Variants in RBFOX1 observed in about 807,000 individuals in gnomAD.
The protein encoded by RBFOX1 is RNA binding fox-1 homolog 1.
A neutral mutation model predicts 57.7 loss-of-function variants in RBFOX1; 8 were observed. That is an observed-to-expected ratio of 0.14 (90% confidence interval 0.08 to 0.25). RBFOX1 has a LOEUF of 0.25. Among genes scored for constraint, RBFOX1 ranks in the 10% least tolerant of loss-of-function variants. The probability of loss-of-function intolerance (pLI) is 1.00; values close to 1 mark genes in which losing one functional copy is unlikely to be tolerated. For synonymous variants in RBFOX1, 326 were observed against 222.4 expected (o/e 1.47, Z -4.15); for missense variants, 611 against 548.5 (o/e 1.11, Z -1.14).
intron 2 of RBFOX1, among the ~76,000 whole-genome samples, chr16:6,646,578 C>T (rs747686051): frequency 5.9e-5 from 9 of 151,932 alleles, no homozygotes; most frequent in Admixed American, 3.3e-4. Context: ...AAATCATAAT[C>T]GGATATGGAC....
chr16:7,257,441 G>A (rs1245774455), intron 4 of RBFOX1, among the ~76,000 whole-genome samples: 1 of 152,056 alleles, frequency 6.6e-6, no homozygotes, highest in East Asian at 1.9e-4. Context: ...ATTGCAAACT[G>A]AAATAGCAGC....
intron 3 of RBFOX1, among the ~76,000 whole-genome samples, chr16:6,907,043 CATA>C (rs139939215): frequency 0.025 from 3,729 of 152,110 alleles, 138 homozygotes; most frequent in African/African-American, 0.084. Context: ...AAATTTAAAA[CATA>C]ATAATTGTTT....
intron 1 of RBFOX1, among the ~76,000 whole-genome samples, chr16:5,391,219 C>G (rs1420170959): frequency 6.6e-6 from 1 of 152,176 alleles, no homozygotes; most frequent in African/African-American, 2.4e-5. Flanking sequence ...CAAAACTTAA[C>G]GGTTTAAAAC....
chr16:6,232,652 G>A (rs1031208373), intron 1 of RBFOX1, among the ~76,000 whole-genome samples: 1 of 152,192 alleles, frequency 6.6e-6, no homozygotes, highest in African/African-American at 2.4e-5. Context: ...AACAGAGGAG[G>A]AAGATCGGAG....
At chr16:7,503,232 G>T (rs560727040) in intron 4 of RBFOX1, among the ~76,000 whole-genome samples, 1 of 152,060 alleles carries the variant, frequency 6.6e-6, no homozygotes, top group East Asian at 1.9e-4. Flanking sequence ...AGAGATCCTT[G>T]GTGACATTCT....
chr16:7,193,958 T>C (rs1022213949), intron 4 of RBFOX1, among the ~76,000 whole-genome samples: 1 of 152,228 alleles, frequency 6.6e-6, no homozygotes, highest in African/African-American at 2.4e-5. Flanking sequence ...AGCTATCTTT[T>C]TTTTTTTTAA....
At chr16:5,774,130 T>G (rs1343688720) in intron 3 of RBFOX1, among the ~76,000 whole-genome samples, 1 of 152,186 alleles carries the variant, frequency 6.6e-6, no homozygotes, top group Non-Finnish European at 1.5e-5. Context: ...GCATCATGAG[T>G]TAGCCTGTGC....
At chr16:6,650,036 G>A (rs555813488) in intron 2 of RBFOX1, among the ~76,000 whole-genome samples, 21 of 152,286 alleles carry the variant, frequency 1.4e-4, no homozygotes, top group African/African-American at 3.8e-4. Flanking sequence ...AGAAGGAAGT[G>A]CAGAGATCTC....
intron 1 of RBFOX1, among the ~76,000 whole-genome samples, chr16:5,454,990 T>C (rs1282254422): frequency 3.8e-5 from 4 of 105,414 alleles, no homozygotes; most frequent in Non-Finnish European, 4.0e-5. Context: ...TTTCTTTCTT[T>C]CTTTCTTTCT....
chr16:7,443,127 C>T (rs1402371158), intron 4 of RBFOX1, among the ~76,000 whole-genome samples: 2 of 152,148 alleles, frequency 1.3e-5, no homozygotes, highest in African/African-American at 2.4e-5. Flanking sequence ...TTTTCGATTC[C>T]TATGGAGATG....
chr16:5,774,376 T>C (rs1176614219), intron 3 of RBFOX1, among the ~76,000 whole-genome samples: 1 of 152,172 alleles, frequency 6.6e-6, no homozygotes, highest in East Asian at 1.9e-4. Flanking sequence ...GTGATAGGAG[T>C]TGCTGTTTTA....
chr16:5,776,186 G>A (rs550308288), intron 3 of RBFOX1, among the ~76,000 whole-genome samples: 36 of 152,362 alleles, frequency 2.4e-4, no homozygotes, highest in African/African-American at 7.5e-4. Flanking sequence ...TGTGAAGGCT[G>A]TTTGGGTTGG....
intron 1 of RBFOX1, among the ~76,000 whole-genome samples, chr16:6,262,633 C>G (rs1268538429): frequency 1.3e-5 from 2 of 152,052 alleles, no homozygotes; most frequent in Non-Finnish European, 2.9e-5. Flanking sequence ...TTCATTCGGC[C>G]TGGATTATGT....
intron 14 of RBFOX1, among the ~76,000 whole-genome samples, chr16:7,694,473 A>G (rs2078170721): frequency 6.6e-6 from 1 of 152,246 alleles, no homozygotes; most frequent in South Asian, 2.1e-4. Flanking sequence ...TTATATGGTC[A>G]GCCTCAACCT....
chr16:7,431,801 G>C (rs958204822), intron 4 of RBFOX1, among the ~76,000 whole-genome samples: 1 of 152,186 alleles, frequency 6.6e-6, no homozygotes, highest in African/African-American at 2.4e-5. Context: ...GGCAAAACTA[G>C]TATTTGAGGC....
At chr16:5,915,670 A>G (rs2058689884) in intron 4 of RBFOX1, among the ~76,000 whole-genome samples, 1 of 152,070 alleles carries the variant, frequency 6.6e-6, no homozygotes, top group Admixed American at 6.5e-5. Context: ...TGTCTCTACT[A>G]AAAATACAAA....
chr16:6,998,835 G>C (rs911925258), intron 3 of RBFOX1, among the ~76,000 whole-genome samples: 5 of 151,844 alleles, frequency 3.3e-5, no homozygotes, highest in African/African-American at 9.7e-5. Flanking sequence ...AAATACTGGA[G>C]TCATGTTTCT....
At chr16:6,876,452 A>G (rs1394569729) in intron 3 of RBFOX1, among the ~76,000 whole-genome samples, 1 of 152,202 alleles carries the variant, frequency 6.6e-6, no homozygotes, top group Non-Finnish European at 1.5e-5. Context: ...AGTGATATCA[A>G]AAATCACCAC....
chr16:7,655,379 C>T (rs1271438965), intron 12 of RBFOX1, among the ~76,000 whole-genome samples: 1 of 152,148 alleles, frequency 6.6e-6, no homozygotes, highest in Non-Finnish European at 1.5e-5. Flanking sequence ...TCTATGCATA[C>T]ACATATTTTA....
Sources: gnomAD v4.1 joint callset for allele counts (sites outside exome capture counted in the v4.1 genomes callset) on GRCh38, gnomAD v4.1.1 for gene constraint, MANE v1.5 for transcripts, NCBI Gene and HGNC (gene_info 2026-07-23, HGNC 2026-07-21) for gene names.